Variants in CHRM3 observed in about 807,000 individuals in gnomAD.
The protein encoded by CHRM3 is cholinergic receptor muscarinic 3, also known as muscarinic acetylcholine receptor M3.
CHRM3 carries 11 observed loss-of-function variants against 41.8 expected under a neutral mutation model. The observed-to-expected ratio is 0.26, with a 90% confidence interval of 0.17 to 0.44. The LOEUF (loss-of-function observed/expected upper bound fraction) is 0.44, where lower values mean the gene tolerates loss of function less well. Among genes scored for constraint, CHRM3 ranks in the 20% least tolerant of loss-of-function variants. CHRM3 has a pLI of 1.00. For missense variants in CHRM3, 571 were observed against 745.4 expected (o/e 0.77, Z 2.72); for synonymous variants, 297 against 301.4 (o/e 0.99, Z 0.15).
At chr1:239,495,193 C>A (rs539568196) in intron 2 of CHRM3, among the ~76,000 whole-genome samples, 5 of 152,150 alleles carry the variant, frequency 3.3e-5, no homozygotes, top group Admixed American at 6.5e-5. Context: ...TTGGTTGCTT[C>A]GAATATTGTA....
chr1:239,608,590 G>A (rs968614795), intron 3 of CHRM3, among the ~76,000 whole-genome samples: 3 of 152,222 alleles, frequency 2.0e-5, no homozygotes, highest in South Asian at 4.1e-4. Flanking sequence ...ATAAGCCTTG[G>A]TAATTCTGTG....
chr1:239,743,756 CTTCTTT>C (rs958765197), intron 5 of CHRM3, among the ~76,000 whole-genome samples: 19 of 135,272 alleles, frequency 1.4e-4, no homozygotes, highest in East Asian at 4.3e-4. Context: ...CCTCAGTGAT[CTTCTTT>C]TTCTTTTTCT....
intron 5 of CHRM3, among the ~76,000 whole-genome samples, chr1:239,786,699 G>A (rs1234480073): frequency 6.7e-6 from 1 of 149,692 alleles, no homozygotes. Context: ...GGGTGCCGAG[G>A]GCAGGCGGGC....
chr1:239,879,608 G>A (rs1048504829), intron 6 of CHRM3, among the ~76,000 whole-genome samples: 1 of 152,222 alleles, frequency 6.6e-6, no homozygotes, highest in African/African-American at 2.4e-5. Context: ...CAGACACAGG[G>A]CACTGTTTTC....
intron 3 of CHRM3, among the ~76,000 whole-genome samples, chr1:239,627,795 G>T (rs1490475505): frequency 6.8e-6 from 1 of 147,510 alleles, no homozygotes; most frequent in African/African-American, 2.5e-5. Context: ...ATTCTGGGTT[G>T]AAAATTCTTT....
intron 2 of CHRM3, among the ~76,000 whole-genome samples, chr1:239,521,637 T>C (rs1558286271): frequency 6.6e-6 from 1 of 152,290 alleles, no homozygotes; most frequent in Admixed American, 6.5e-5. Context: ...ACTGGTTTTA[T>C]AGACAGGCAT....
chr1:239,777,505 C>T (rs1373432994), intron 5 of CHRM3, among the ~76,000 whole-genome samples: 3 of 152,174 alleles, frequency 2.0e-5, no homozygotes, highest in Non-Finnish European at 4.4e-5. Flanking sequence ...GCAATGGAAA[C>T]TTCAGGAAGA....
chr1:239,790,733 A>G (rs990033633), intron 5 of CHRM3, among the ~76,000 whole-genome samples: 5 of 152,194 alleles, frequency 3.3e-5, no homozygotes, highest in Non-Finnish European at 7.3e-5. Context: ...AAATTTGAAG[A>G]AAAGCTCCCT....
At chr1:239,705,825 A>T (rs1382808004) in intron 5 of CHRM3, 1 of 152,138 alleles carries the variant, frequency 6.6e-6, no homozygotes, top group African/African-American at 2.4e-5. Context: ...TAGAGACATT[A>T]TTCTAGGCAA....
chr1:239,601,068 T>A (rs183744079), intron 3 of CHRM3, among the ~76,000 whole-genome samples: 107 of 152,338 alleles, frequency 7.0e-4, no homozygotes, highest in Admixed American at 2.4e-3. Flanking sequence ...ATATTATTTG[T>A]AGGAATCCAG....
chr1:239,444,042 A>G (rs1663936509), intron 1 of CHRM3, among the ~76,000 whole-genome samples: 1 of 152,148 alleles, frequency 6.6e-6, no homozygotes. Flanking sequence ...TGCAGTCACA[A>G]TTTTTGAGTA....
chr1:239,781,231 C>G (rs1449635241), intron 5 of CHRM3, among the ~76,000 whole-genome samples: 1 of 152,116 alleles, frequency 6.6e-6, no homozygotes, highest in Non-Finnish European at 1.5e-5. Flanking sequence ...GTCTTCCTAT[C>G]CATGAGCATG....
At chr1:239,493,397 C>G (rs966308245) in intron 2 of CHRM3, among the ~76,000 whole-genome samples, 2 of 152,098 alleles carry the variant, frequency 1.3e-5, no homozygotes, top group Admixed American at 6.6e-5. Flanking sequence ...CACTTTTTAT[C>G]AAAACTCTAT....
chr1:239,842,045 C>T (rs1336359576), intron 6 of CHRM3, among the ~76,000 whole-genome samples: 1 of 152,092 alleles, frequency 6.6e-6, no homozygotes, highest in African/African-American at 2.4e-5. Context: ...ATGGGCTGCT[C>T]CTTGTTTCAT....
intron 5 of CHRM3, among the ~76,000 whole-genome samples, chr1:239,786,155 C>A (rs996669304): frequency 2.0e-5 from 3 of 152,076 alleles, no homozygotes; most frequent in African/African-American, 7.2e-5. Flanking sequence ...ATCCTGATAT[C>A]CATTTAATTT....
chr1:239,638,294 G>A lies in CHRM3; in HGVS notation c.-250+6008G>A, dbSNP rs1005827996. ...TATATACCCAGTAATGGGATGGCTGGGTCAAATGGTATTTCTAGTTCTACA... is the reference window on the plus strand; with the variant it reads ...TATATACCCAGTAATGGGATGGCTGAGTCAAATGGTATTTCTAGTTCTACA... On this transcript the variant is annotated intron_variant, in intron 4 of 6. Coordinates refer to ENST00000676153, the MANE Select transcript of CHRM3 (RefSeq NM_001375978.1). Among the ~76,000 whole-genome samples the A allele has an allele frequency of 2.0e-5, 3 of 151,602 alleles. No homozygotes were observed. In the South Asian group the frequency reaches 6.3e-4, roughly 32 times the overall value.
At chr1:239,643,080 G>A (rs2148930470) in intron 4 of CHRM3, among the ~76,000 whole-genome samples, 1 of 152,274 alleles carries the variant, frequency 6.6e-6, no homozygotes, top group South Asian at 2.1e-4. Context: ...CAGAACAGTG[G>A]ATGTTCGTGA....
At chr1:239,596,444 A>T (rs1035416917) in intron 3 of CHRM3, among the ~76,000 whole-genome samples, 1 of 152,186 alleles carries the variant, frequency 6.6e-6, no homozygotes, top group Non-Finnish European at 1.5e-5. Flanking sequence ...AGAACCAAAG[A>T]GGTGCCTCTA....
Position 239,907,304 on chromosome 1 carries a change from G to C in CHRM3, c.-19-129G>C. The C allele has an allele frequency of 6.2e-6, 4 of 645,210 alleles. No homozygotes were observed. In the East Asian group the frequency reaches 8.2e-5, roughly 13 times the overall value. 40.0% of individuals were successfully genotyped at this position (645,210 alleles called of 1,614,324 possible). A position where few individuals can be genotyped will look rare whatever the true frequency, so the allele number is the denominator to read the frequency against. On this transcript the variant is annotated intron_variant, in intron 6 of 6. Transcript: ENST00000676153. This position sits in a 1 kb window ranked among gnomAD's most constrained non-coding sequence, Gnocchi z 5.4. ...TTATTTAAAATAAGAGAATGAACTT[G>C]ATGTTTGGCTTCATAGAGATTCAGC...
Sources: allele counts gnomAD v4.1 joint callset (sites outside exome capture counted in the v4.1 genomes callset), GRCh38; gene constraint gnomAD v4.1.1; non-coding constraint Gnocchi (gnomAD v3.1); transcripts MANE v1.5; gene names NCBI Gene and HGNC (gene_info 2026-07-23, HGNC 2026-07-21).